Variants in IPO5 observed in about 807,000 individuals in gnomAD.
IPO5 encodes the protein importin-5.
A neutral mutation model predicts 143.3 loss-of-function variants in IPO5; 18 were observed. That is an observed-to-expected ratio of 0.13 (90% CI 0.09 to 0.19). IPO5 has a LOEUF of 0.19. Ranked by LOEUF, IPO5 falls within the 10% of genes least tolerant of loss-of-function variation. The pLI is 1.00. For synonymous variants in IPO5, 477 were observed against 465.7 expected (o/e 1.02, Z -0.31); for missense variants, 1,013 against 1,336.9 (o/e 0.76, Z 3.78).
intron 21 of IPO5, among the ~76,000 whole-genome samples, chr13:98,012,801 A>ATTTTTTTTTTTTTTTTTTTTTTTTTTTT (rs59658983): frequency 9.2e-6 from 1 of 109,180 alleles, no homozygotes; most frequent in Admixed American, 9.9e-5. Context: ...GCTAGATTTG[A>ATTTTTTTTTTTTTTTTTTTTTTTTTTTT]TTTTTTTTTT....
At chr13:97,955,297 G>T (rs1884383153) in intron 2 of IPO5, among the ~76,000 whole-genome samples, 1 of 151,908 alleles carries the variant, frequency 6.6e-6, no homozygotes, top group Non-Finnish European at 1.5e-5. Flanking sequence ...TACTCTACAG[G>T]AAATATCCTC....
chr13:97,963,248 C>T (rs192919058), intron 2 of IPO5: 2 of 152,178 alleles, frequency 1.3e-5, no homozygotes, highest in Admixed American at 6.5e-5. Flanking sequence ...CTAACCATCA[C>T]AGTATCCTTG....
intron 2 of IPO5, among the ~76,000 whole-genome samples, chr13:97,960,584 G>A: frequency 6.7e-6 from 1 of 148,588 alleles, no homozygotes; most frequent in Non-Finnish European, 1.5e-5. Flanking sequence ...TTGAGATGGA[G>A]TTTCACCCTT....
rs576325306 is a variant in IPO5, at chr13:97,985,282, A to G, written c.172-139A>G. ...TGTGGCACTAACAAAATAAGTCTGT[A>G]TAATAGACTAATGTAATTAGAAAGA... On this transcript the variant is annotated intron_variant, in intron 5 of 28. Coordinates refer to ENST00000651721, the MANE Select transcript of IPO5 (RefSeq NM_002271.6). The G allele has an allele frequency of 1.1e-3, 729 of 661,346 alleles. 4 individuals are homozygous for G. The African/African-American group carries it at 0.011, about 10-fold the overall frequency. The allele number at this position is 661,346 out of a possible 1,614,324, so 41.0% of individuals were successfully genotyped here.
At chr13:97,983,965 C>CTTTTTTTTTTTTTTTTT (rs71117684) in intron 5 of IPO5, among the ~76,000 whole-genome samples, 1 of 45,824 alleles carries the variant, frequency 2.2e-5, no homozygotes, top group Non-Finnish European at 3.9e-5. Context: ...AGGGTAACTT[C>CTTTTTTTTTTTTTTTTT]TTTTTTTTTT....
intron 12 of IPO5, 33 bp from the exon 13 acceptor site, chr13:98,000,506 A>G (rs780740019): frequency 1.5e-6 from 2 of 1,316,878 alleles, no homozygotes; most frequent in Admixed American, 1.7e-5. Flanking sequence ...TGTTTCAGAT[A>G]TATTGAGTAC....
At chr13:98,004,022 G>T (rs1232762090) in intron 16 of IPO5, among the ~76,000 whole-genome samples, 1 of 152,224 alleles carries the variant, frequency 6.6e-6, no homozygotes, top group Non-Finnish European at 1.5e-5. Context: ...TGTTAGTCCA[G>T]CACAGTGTGT....
Position 97,979,461 on chromosome 13 carries a change from G to A in IPO5, c.90+2675G>A, listed in dbSNP as rs1014687075. On this transcript the variant is annotated intron_variant, in intron 4 of 28. Transcript: ENST00000651721. ...ATTTCTCTTTAACTTTATAGAAAATGTTTCTCATTTGAAGAAACGTATGTG... is the reference window on the plus strand; with the variant it reads ...ATTTCTCTTTAACTTTATAGAAAATATTTCTCATTTGAAGAAACGTATGTG... 2.6e-5 allele frequency among the ~76,000 whole-genome samples: 4 copies of A among 152,248 alleles called. No homozygotes were observed. The South Asian group carries it at 6.2e-4, about 24-fold the overall frequency.
Position 98,021,069 on chromosome 13 carries a change from A to T in IPO5, c.3143A>T (p.His1048Leu). The T allele has an allele frequency of 1.9e-6, 3 of 1,612,300 alleles. No homozygotes were observed. Among genetic ancestry groups the T allele is most frequent in the Non-Finnish European group, 2.5e-6 (3 of 1,179,418 alleles). The part of the protein sequence containing the change: ...IFSIIAEGEM[H>L]EAIKHEDPCA... Reference sequence around the variant, plus strand: ...AGTATAATTGCGGAAGGAGAAATGCACGAGGCAATTAAACATGAAGATCCT... The same window carrying T: ...AGTATAATTGCGGAAGGAGAAATGCTCGAGGCAATTAAACATGAAGATCCT... The change falls in exon 28 of 29, where the codon CAC (histidine) becomes CTC (leucine). Residue 1048 changes from histidine (H) to leucine (L), a missense_variant. His to Leu is a moderately conservative substitution (Grantham distance 99). Coordinates refer to ENST00000651721, the MANE Select transcript of IPO5 (RefSeq NM_002271.6).
chr13:97,992,635 A>T (rs540358681), intron 9 of IPO5, among the ~76,000 whole-genome samples: 41 of 152,340 alleles, frequency 2.7e-4, no homozygotes, highest in African/African-American at 8.9e-4. Flanking sequence ...TAAGTATTGT[A>T]ATGGTTATTA....
chr13:97,992,865 A>G, intron 9 of IPO5, 27 bp from the exon 10 acceptor site: 1 of 1,591,424 alleles, frequency 6.3e-7, no homozygotes, highest in Non-Finnish European at 8.6e-7. Flanking sequence ...AATCTTCAGC[A>G]CCGACTTTCT....
Position 98,015,661 on chromosome 13 carries a change from A to G in IPO5, c.2437+20A>G, listed in dbSNP as rs751148953. 1.9e-6 allele frequency: 3 copies of G among 1,583,244 alleles called. No individual in the cohort carries two copies. The highest frequency in any genetic ancestry group is 2.6e-6 in the Non-Finnish European group (3 of 1,156,422). On this transcript the variant is annotated intron_variant, in intron 23 of 28. Coordinates refer to ENST00000651721, the MANE Select transcript of IPO5 (RefSeq NM_002271.6). Reference sequence around the variant, plus strand: ...GACAAGGTAAGTTTTCCATGCTTTTATTTCTGAATATAATCCTTGACCATC... The same window carrying G: ...GACAAGGTAAGTTTTCCATGCTTTTGTTTCTGAATATAATCCTTGACCATC...
chr13:97,995,284 A>C (rs1388958021), intron 11 of IPO5, among the ~76,000 whole-genome samples: 1 of 150,782 alleles, frequency 6.6e-6, no homozygotes, highest in South Asian at 2.1e-4. Flanking sequence ...AGCAGTGTAC[A>C]CTGTACCCAT....
intron 5 of IPO5, among the ~76,000 whole-genome samples, chr13:97,984,269 C>T (rs1375926669): frequency 6.6e-6 from 1 of 152,072 alleles, no homozygotes; most frequent in Non-Finnish European, 1.5e-5. Flanking sequence ...TGAGCCACCG[C>T]GCCCGGCCTA....
chr13:97,993,551 A>G (rs1165144385), intron 11 of IPO5, among the ~76,000 whole-genome samples: 2 of 152,244 alleles, frequency 1.3e-5, no homozygotes, highest in Non-Finnish European at 2.9e-5. Flanking sequence ...ATAGATGCAC[A>G]GTAGCGAACT....
intron 3 of IPO5, among the ~76,000 whole-genome samples, chr13:97,970,840 T>TA (rs1885769674): frequency 6.6e-6 from 1 of 152,160 alleles, no homozygotes; most frequent in South Asian, 2.1e-4. Flanking sequence ...AATGAGAATA[T>TA]AAAAATGCAA....
At chr13:97,997,886 CA>C (rs1382972146) in intron 12 of IPO5, among the ~76,000 whole-genome samples, 2 of 152,148 alleles carry the variant, frequency 1.3e-5, no homozygotes, top group Non-Finnish European at 2.9e-5. Context: ...ATTTTATAAT[CA>C]GGAACTGAAA....
At chr13:97,979,123 T>C (rs1165427991) in intron 4 of IPO5, among the ~76,000 whole-genome samples, 1 of 152,182 alleles carries the variant, frequency 6.6e-6, no homozygotes, top group Non-Finnish European at 1.5e-5. Context: ...ATAAGCGTTT[T>C]ATAAGAGATC....
intron 2 of IPO5, among the ~76,000 whole-genome samples, chr13:97,954,629 A>G (rs1165695900): frequency 6.6e-6 from 1 of 152,226 alleles, no homozygotes; most frequent in Non-Finnish European, 1.5e-5. Context: ...TAAGTAGTCA[A>G]AAGATTACTT....
Sources: allele counts gnomAD v4.1 joint callset (sites outside exome capture counted in the v4.1 genomes callset), GRCh38; gene constraint gnomAD v4.1.1; transcripts MANE v1.5; gene names NCBI Gene and HGNC (gene_info 2026-07-23, HGNC 2026-07-21).